The following CCBE1 variants were observed in gnomAD, a reference collection of about 807,000 sequenced individuals.
The protein encoded by CCBE1 is collagen and calcium binding EGF domains 1.
In CCBE1, 37 loss-of-function variants were observed where a neutral mutation model predicts 50.0. The ratio of observed to expected loss-of-function variants is 0.74; its 90% CI spans 0.57 to 0.97. The LOEUF is 0.97. CCBE1 is among the 50% of genes least tolerant of loss of function. The pLI is 0.00. For synonymous variants in CCBE1, 234 were observed against 203.7 expected (o/e 1.15, Z -1.27); for missense variants, 538 against 523.8 (o/e 1.03, Z -0.26).
At position 59,499,506 on chromosome 18, in the gene CCBE1, C is replaced by G. The variant is rs148360848; in HGVS notation, c.213-19268G>C. Among the ~76,000 whole-genome samples the G allele has an allele frequency of 8.0e-3, 1,212 of 152,136 alleles. 12 individuals are homozygous for G. The highest frequency in any genetic ancestry group is 0.027 in the African/African-American group (1,136 of 41,488). On this transcript the variant is annotated intron_variant, in intron 2 of 10. Transcript: ENST00000439986. ...GAGGCCTCACAATCATGGCAGAAGGCAAGGAGGAGCAAGTCATGTCTTACA... is the reference window on the plus strand; with the variant it reads ...GAGGCCTCACAATCATGGCAGAAGGGAAGGAGGAGCAAGTCATGTCTTACA...
At chr18:59,588,989 C>T (rs964060301) in intron 2 of CCBE1, among the ~76,000 whole-genome samples, 11 of 152,224 alleles carry the variant, frequency 7.2e-5, no homozygotes, top group Non-Finnish European at 1.3e-4. Context: ...TACTTCCTGA[C>T]GGATGGCTTT....
intron 2 of CCBE1, among the ~76,000 whole-genome samples, chr18:59,663,603 G>A (rs999224218): frequency 6.6e-6 from 1 of 152,044 alleles, no homozygotes; most frequent in South Asian, 2.1e-4. Context: ...TCTGTAAGCA[G>A]AGTCAAGCAG....
chr18:59,479,063 A>C, intron 3 of CCBE1, among the ~76,000 whole-genome samples: 1 of 152,212 alleles, frequency 6.6e-6, no homozygotes, highest in East Asian at 1.9e-4. Flanking sequence ...AACTGATCAA[A>C]AATGGTGCTC....
chr18:59,609,873 T>TACC (rs2053547553), intron 2 of CCBE1, among the ~76,000 whole-genome samples: 1 of 152,248 alleles, frequency 6.6e-6, no homozygotes, highest in African/African-American at 2.4e-5. Flanking sequence ...GGGATAATAT[T>TACC]CAATGTGATT....
chr18:59,619,773 G>A (rs2053687576), intron 2 of CCBE1, among the ~76,000 whole-genome samples: 1 of 151,282 alleles, frequency 6.6e-6, no homozygotes, highest in Non-Finnish European at 1.5e-5. Flanking sequence ...TTTAAACTCA[G>A]TGATTTTTTT....
intron 2 of CCBE1, among the ~76,000 whole-genome samples, chr18:59,545,269 C>G (rs1321272224): frequency 6.6e-6 from 1 of 152,128 alleles, no homozygotes; most frequent in African/African-American, 2.4e-5. Context: ...CAGTTCTCCC[C>G]CTATAATGAC....
intron 2 of CCBE1, among the ~76,000 whole-genome samples, chr18:59,602,869 T>C (rs2053450891): frequency 6.6e-6 from 1 of 152,226 alleles, no homozygotes; most frequent in South Asian, 2.1e-4. Flanking sequence ...AACTCAGGTG[T>C]GAGGTCAGAC....
chr18:59,499,206 A>G lies in CCBE1; in HGVS notation c.213-18968T>C, dbSNP rs75170126. Among the ~76,000 whole-genome samples, 903 of 152,300 alleles carry G rather than the reference A, an allele frequency of 5.9e-3. 11 individuals carry two copies. The highest frequency in any genetic ancestry group is 0.031 in the Middle Eastern group (9 of 294). Reference sequence around the variant, plus strand: ...CCATTATGTTAGTGCATTGACTGTAAAAAGGATGGCATTCAACTAAGAGGA... The same window carrying G: ...CCATTATGTTAGTGCATTGACTGTAGAAAGGATGGCATTCAACTAAGAGGA... On this transcript the variant is annotated intron_variant, in intron 2 of 10. Coordinates refer to ENST00000439986, the MANE Select transcript of CCBE1 (RefSeq NM_133459.4).
At position 59,536,561 on chromosome 18, in the gene CCBE1, A is replaced by T. The variant is rs533396966; in HGVS notation, c.213-56323T>A. 1.7e-4 allele frequency among the ~76,000 whole-genome samples: 26 copies of T among 152,312 alleles called. 1 individual carries two copies. Among genetic ancestry groups the T allele is most frequent in the African/African-American group, 6.3e-4 (26 of 41,568 alleles). On this transcript the variant is annotated intron_variant, in intron 2 of 10. Transcript: ENST00000439986. ...TTCCCAGAAAAACAAAAGTAAGAAT[A>T]AGAAAGTGCCAGGGGAACTGCAACT...
chr18:59,616,066 C>T (rs796888049), intron 2 of CCBE1, among the ~76,000 whole-genome samples: 7 of 152,158 alleles, frequency 4.6e-5, no homozygotes, highest in Non-Finnish European at 7.3e-5. Flanking sequence ...GCGCTCTGGC[C>T]TCCTCCTGCT....
At chr18:59,451,527 G>A (rs1910932103) in intron 6 of CCBE1, among the ~76,000 whole-genome samples, 1 of 151,230 alleles carries the variant, frequency 6.6e-6, no homozygotes, top group Admixed American at 6.6e-5. Flanking sequence ...TAAATGACAG[G>A]CATCGAATCT....
chr18:59,638,704 C>T (rs2053945776), intron 2 of CCBE1, among the ~76,000 whole-genome samples: 1 of 152,216 alleles, frequency 6.6e-6, no homozygotes, highest in African/African-American at 2.4e-5. Context: ...CAATCACAGG[C>T]TACCAAAACA....
intron 3 of CCBE1, among the ~76,000 whole-genome samples, chr18:59,475,152 T>C (rs1408199673): frequency 6.6e-6 from 1 of 152,200 alleles, no homozygotes; most frequent in African/African-American, 2.4e-5. Flanking sequence ...ATCTATTTTC[T>C]ATCCTCTCTG....
chr18:59,470,642 C>G (rs1377234828), intron 3 of CCBE1, among the ~76,000 whole-genome samples: 1 of 152,188 alleles, frequency 6.6e-6, no homozygotes, highest in African/African-American at 2.4e-5. Context: ...CTGCTCCTCT[C>G]AGTTCCTATG....
At chr18:59,443,493 G>A (rs1336147130) in intron 7 of CCBE1, among the ~76,000 whole-genome samples, 1 of 149,410 alleles carries the variant, frequency 6.7e-6, no homozygotes, top group Admixed American at 6.6e-5. Flanking sequence ...TTGAGATGGA[G>A]TCTTGCTCTG....
intron 5 of CCBE1, among the ~76,000 whole-genome samples, chr18:59,460,006 G>C (rs537727273): frequency 5.9e-5 from 9 of 152,260 alleles, no homozygotes; most frequent in African/African-American, 1.9e-4. Context: ...ATAAACAAAA[G>C]TTGAAAAATA....
rs774331278 is a variant in CCBE1 at position 59,604,429 on chromosome 18, C to T, written c.212+92200G>A. Among the ~76,000 whole-genome samples, 6 of 152,206 alleles carry T rather than the reference C, an allele frequency of 3.9e-5. No individual in the cohort carries two copies. In the South Asian group the frequency reaches 1.0e-3, roughly 26 times the overall value. ...TAGGAGGACACATAGAACAGAGATACCTATCCAGGAAAAAAAAGCAGATGA... is the reference window on the plus strand; with the variant it reads ...TAGGAGGACACATAGAACAGAGATATCTATCCAGGAAAAAAAAGCAGATGA... On this transcript the variant is annotated intron_variant, in intron 2 of 10. Coordinates refer to ENST00000439986, the MANE Select transcript of CCBE1 (RefSeq NM_133459.4).
At chr18:59,496,451 C>T (rs1414794420) in intron 2 of CCBE1, among the ~76,000 whole-genome samples, 11 of 152,178 alleles carry the variant, frequency 7.2e-5, no homozygotes, top group Admixed American at 7.2e-4. Flanking sequence ...GTCTCTCATT[C>T]TTCCTGCCTG....
chr18:59,693,444 A>C (rs536554978), intron 2 of CCBE1, among the ~76,000 whole-genome samples: 1 of 152,110 alleles, frequency 6.6e-6, no homozygotes, highest in Non-Finnish European at 1.5e-5. Context: ...CTGTACACCA[A>C]CTTGAGACCA....
Sources: gnomAD v4.1 joint callset for allele counts (sites outside exome capture counted in the v4.1 genomes callset) on GRCh38, gnomAD v4.1.1 for gene constraint, MANE v1.5 for transcripts, NCBI Gene and HGNC (gene_info 2026-07-23, HGNC 2026-07-21) for gene names.